The following GAGE12J variants were observed in gnomAD, a reference collection of about 807,000 sequenced individuals.
The protein encoded by GAGE12J is G antigen 12J, also known as G antigen 11.
Under a neutral mutation model 8.5 loss-of-function variants are expected in GAGE12J, and 5 were observed. The observed-to-expected ratio is 0.59, with a 90% CI of 0.31 to 1.24. The LOEUF (loss-of-function observed/expected upper bound fraction) is 1.24. Among genes scored for constraint, GAGE12J ranks in the 50% most tolerant of loss-of-function variants. The pLI is 0.06. For synonymous variants in GAGE12J, 10 were observed against 19.2 expected (o/e 0.52, Z 1.25); for missense variants, 26 against 63.0 (o/e 0.41, Z 1.99).
In GAGE12J at chrX:49,323,232, A is replaced by G. The variant is rs7064105; in HGVS notation, c.39A>G (p.Arg13=). 9.6e-7 allele frequency: 1 copy of G among 1,044,419 alleles called. No homozygotes were observed. The highest frequency in any genetic ancestry group is 1.3e-6 in the Non-Finnish European group (1 of 765,652). 86.1% of individuals were successfully genotyped at this position (1,044,419 alleles called of 1,213,427 possible). Residue 13 remains arginine (R), a synonymous_variant, in exon 2 of 5, where the codon AGA becomes AGG. Coordinates refer to ENST00000442437, the MANE Select transcript of GAGE12J (RefSeq NM_001098406.4). Reference sequence around the variant, plus strand: ...GAAGATCGACCTATTATTGGCCTAGACCAAGACCCTATGTACAGCCTCCTG... The same window carrying G: ...GAAGATCGACCTATTATTGGCCTAGGCCAAGACCCTATGTACAGCCTCCTG... ...WRGRSTYYWP[R]PRPYVQPPEM... is the part of the protein sequence containing the mutation.
rs1258203691 is a variant in GAGE12J at position 49,322,533 on chromosome X, G to GC, written c.-9+397dup. ...CTGGGAAGGCTGCGGCCTGGTGAGCGCCCCCCCCAGCGGTGTGGAGTGCGG... is the reference window on the plus strand; with the variant it reads ...CTGGGAAGGCTGCGGCCTGGTGAGCGCCCCCCCCCAGCGGTGTGGAGTGCGG... On this transcript the variant is annotated intron_variant, in intron 1 of 4. Transcript: ENST00000442437. 3.2e-4 allele frequency among the ~76,000 whole-genome samples: 31 copies of GC among 97,341 alleles called. No homozygotes were observed. The South Asian group carries it at 5.4e-3, about 17-fold the overall frequency. 84.5% of individuals were successfully genotyped at this position (97,341 alleles called of 115,157 possible). A position where few individuals can be genotyped will look rare whatever the true frequency, so the allele number is the denominator to read the frequency against.
intron 1 of GAGE12J, among the ~76,000 whole-genome samples, chrX:49,322,565 T>C (rs4239986): frequency 0.29 from 24,237 of 84,667 alleles, 5,455 homozygotes; most frequent in Non-Finnish European, 0.43. Context: ...GCGGAGCGCC[T>C]GAGTGAGAAG....
intron 1 of GAGE12J, among the ~76,000 whole-genome samples, chrX:49,322,528 T>C (rs4239984): frequency 0.16 from 15,344 of 94,783 alleles, 2,197 homozygotes; most frequent in Middle Eastern, 0.26. Flanking sequence ...TGCGGCCTGG[T>C]GAGCGCCCCC....
chrX:49,323,258 A>G lies in GAGE12J; in HGVS notation c.65A>G (p.Glu22Gly), dbSNP rs782495870. Residue 22 changes from glutamate (E) to glycine (G), a missense_variant, in exon 2 of 5, where the codon GAA becomes GGA. By Grantham distance (98) the Glu-to-Gly change is moderately conservative. This residue lies in a region of GAGE12J where 26 missense variants were observed against 21.9 expected (regional missense o/e 1.19). Coordinates refer to ENST00000442437, the MANE Select transcript of GAGE12J (RefSeq NM_001098406.4). ...PRPRPYVQPP[E>G]MIGPMRPEQF... ...CCAAGACCCTATGTACAGCCTCCTG[A>G]AATGATTGGGCCTATGCGGGTGAGT... 11 of 1,146,471 alleles carry G rather than the reference A, an allele frequency of 9.6e-6. No homozygotes were observed. The African/African-American group carries it at 2.0e-4, about 20-fold the overall frequency. The allele number at this position is 1,146,471 out of a possible 1,213,427, so 94.5% of individuals were successfully genotyped here. A position where few individuals can be genotyped will look rare whatever the true frequency, so the allele number is the denominator to read the frequency against.
intron 1 of GAGE12J, among the ~76,000 whole-genome samples, chrX:49,322,346 G>A (rs1374576587): frequency 9.4e-6 from 1 of 106,263 alleles, no homozygotes; most frequent in Non-Finnish European, 2.0e-5. Context: ...AGGAAGGTGG[G>A]CCGTGGAGGG....
chrX:49,328,080 C>T lies in GAGE12J; in HGVS notation c.332-1191C>T, dbSNP rs1315667180. On this transcript the variant is annotated intron_variant, in intron 4 of 4. Coordinates refer to ENST00000442437, the MANE Select transcript of GAGE12J (RefSeq NM_001098406.4). ...TTCTCTGGCTTTTAATGAACAATTG[C>T]TTCTTTTTTTTCTTTTATTTATTTA... 3.1e-3 allele frequency among the ~76,000 whole-genome samples: 219 copies of T among 70,842 alleles called. 46 individuals are homozygous for T. Among genetic ancestry groups the T allele is most frequent in the Non-Finnish European group, 4.2e-3 (118 of 27,823 alleles). 61.5% of individuals were successfully genotyped at this position (70,842 alleles called of 115,157 possible).
rs782136364 is a variant in GAGE12J, at chrX:49,323,182, T to C, written c.-8-4T>C. Reference sequence around the variant, plus strand: ...CGTTCCCAATCACGGTTGTCTGTTTTCAGTGTGAAATATGAGTTGGCGAGG... The same window carrying C: ...CGTTCCCAATCACGGTTGTCTGTTTCCAGTGTGAAATATGAGTTGGCGAGG... On this transcript the variant is annotated splice_polypyrimidine_tract_variant and splice_region_variant and intron_variant, in intron 1 of 4. Transcript: ENST00000442437. The C allele has an allele frequency of 5.3e-6, 6 of 1,121,894 alleles. No homozygotes were observed. In the African/African-American group the frequency reaches 1.1e-4, roughly 20 times the overall value. 92.5% of individuals were successfully genotyped at this position (1,121,894 alleles called of 1,213,427 possible).
Position 49,323,541 on chromosome X carries a change from T to C in GAGE12J, c.85-202T>C, listed in dbSNP as rs1406430539. On this transcript the variant is annotated intron_variant, in intron 2 of 4. Coordinates refer to ENST00000442437, the MANE Select transcript of GAGE12J (RefSeq NM_001098406.4). ...TATTCCAACACAGAGTACAATAGCC[T>C]CCAAAGTCCTCGTGCGTCACTTTTC... Among the ~76,000 whole-genome samples the C allele has an allele frequency of 1.5e-4, 16 of 104,335 alleles. No homozygotes were observed. The South Asian group carries it at 3.4e-3, about 22-fold the overall frequency. The allele number at this position is 104,335 out of a possible 115,157, so 90.6% of individuals were successfully genotyped here. A position where few individuals can be genotyped will look rare whatever the true frequency, so the allele number is the denominator to read the frequency against.
intron 1 of GAGE12J, among the ~76,000 whole-genome samples, chrX:49,322,363 G>A (rs1485566327): frequency 2.8e-5 from 3 of 107,387 alleles, no homozygotes; most frequent in Non-Finnish European, 6.0e-5. Flanking sequence ...AGGGGAGGCG[G>A]TCAGGGGCTC....
Position 49,322,315 on chromosome X carries a change from C to T in GAGE12J, c.-9+171C>T, listed in dbSNP as rs1368881207. Among the ~76,000 whole-genome samples the T allele has an allele frequency of 7.8e-5, 8 of 103,135 alleles. No homozygotes were observed. The East Asian group carries it at 2.4e-3, about 31-fold the overall frequency. 89.6% of individuals were successfully genotyped at this position (103,135 alleles called of 115,157 possible). A position where few individuals can be genotyped will look rare whatever the true frequency, so the allele number is the denominator to read the frequency against. On this transcript the variant is annotated intron_variant, in intron 1 of 4. Coordinates refer to ENST00000442437, the MANE Select transcript of GAGE12J (RefSeq NM_001098406.4). ...GCGAGGCCACCGGCGGCTTCGTGGT[C>T]GTGAAGGGGCCTGGACGGGGAGGAA...
chrX:49,322,316 G>A (rs2066422161), intron 1 of GAGE12J, among the ~76,000 whole-genome samples, 172 bp downstream of exon 1: 2 of 103,940 alleles, frequency 1.9e-5, no homozygotes, highest in Non-Finnish European at 4.1e-5. Flanking sequence ...CTTCGTGGTC[G>A]TGAAGGGGCC....
intron 3 of GAGE12J, among the ~76,000 whole-genome samples, chrX:49,326,011 C>CT (rs1265007563): frequency 4.2e-4 from 2 of 4,817 alleles, no homozygotes; most frequent in Admixed American, 2.8e-3. Context: ...GCTTGAACTT[C>CT]TGGCCTCACC....
At chrX:49,328,155 G>A (rs2066451409) in intron 4 of GAGE12J, among the ~76,000 whole-genome samples, 1 of 75,493 alleles carries the variant, frequency 1.3e-5, no homozygotes, top group Non-Finnish European at 3.3e-5. Flanking sequence ...TGTGCACGTT[G>A]TGCAGGTTAG....
At chrX:49,322,434 G>A (rs5952529) in intron 1 of GAGE12J, among the ~76,000 whole-genome samples, 3 of 108,892 alleles carry the variant, frequency 2.8e-5, no homozygotes, top group African/African-American at 6.5e-5. Flanking sequence ...GGGAACCCCC[G>A]ACGACACAGG....
chrX:49,322,331 C>T (rs1279091165), intron 1 of GAGE12J, among the ~76,000 whole-genome samples, 187 bp downstream of exon 1: 5 of 104,012 alleles, frequency 4.8e-5, no homozygotes, highest in African/African-American at 1.0e-4. Flanking sequence ...GGGGCCTGGA[C>T]GGGGAGGAAG....
chrX:49,324,675 T>C (rs2066437657), intron 3 of GAGE12J, among the ~76,000 whole-genome samples: 1 of 60,434 alleles, frequency 1.7e-5, no homozygotes, highest in Non-Finnish European at 4.1e-5. Context: ...ACTCCCTTAT[T>C]CTCAGTGCGG....
chrX:49,322,411 G>A (rs1268895107), intron 1 of GAGE12J, among the ~76,000 whole-genome samples: 2 of 109,078 alleles, frequency 1.8e-5, no homozygotes, highest in Non-Finnish European at 3.9e-5. Context: ...GGGGATGGAA[G>A]TCCCGAGGTG....
chrX:49,328,257 CT>C (rs2066452041), intron 4 of GAGE12J, among the ~76,000 whole-genome samples: 1 of 40,753 alleles, frequency 2.5e-5, no homozygotes, highest in African/African-American at 4.8e-5. Context: ...TCCCTCCCCC[CT>C]CCCCCCACCC....
chrX:49,323,288 G>A lies in GAGE12J; in HGVS notation c.84+11G>A, dbSNP rs5952534. 9.7e-4 allele frequency: 1,106 copies of A among 1,140,021 alleles called. 60 individuals are homozygous for A. Among genetic ancestry groups the A allele is most frequent in the Non-Finnish European group, 1.2e-3 (1,018 of 841,775 alleles). 94.0% of individuals were successfully genotyped at this position (1,140,021 alleles called of 1,213,427 possible). Reference sequence around the variant, plus strand: ...ATTGGGCCTATGCGGGTGAGTGCTTGAACGTTAATTCGATGTTTTCTATTA... The same window carrying A: ...ATTGGGCCTATGCGGGTGAGTGCTTAAACGTTAATTCGATGTTTTCTATTA... On this transcript the variant is annotated intron_variant, in intron 2 of 4. Transcript: ENST00000442437.
Sources: gnomAD v4.1 joint callset for allele counts (sites outside exome capture counted in the v4.1 genomes callset) on GRCh38, gnomAD v4.1.1 for gene constraint, gnomAD v4.1.1 regional missense constraint, MANE v1.5 for transcripts, NCBI Gene and HGNC (gene_info 2026-07-23, HGNC 2026-07-21) for gene names.